Variants in PLEKHM1 observed in about 807,000 individuals in gnomAD.
PLEKHM1 encodes the protein pleckstrin homology and RUN domain containing M1.
Under a neutral mutation model 94.3 loss-of-function variants are expected in PLEKHM1, and 28 were observed. That is an observed-to-expected ratio of 0.30 (90% CI 0.22 to 0.41). PLEKHM1 has a LOEUF of 0.41. PLEKHM1 is among the 10% of genes least tolerant of loss of function. The pLI, the probability that PLEKHM1 is intolerant of heterozygous loss-of-function variation, is 1.00. For synonymous variants in PLEKHM1, 424 were observed against 581.2 expected (o/e 0.73, Z 3.89); for missense variants, 907 against 1,358.6 (o/e 0.67, Z 5.22).
intron 6 of PLEKHM1, 175 bp from the exon 7 acceptor site, chr17:45,454,447 C>G: frequency 1.5e-6 from 1 of 670,488 alleles, no homozygotes; most frequent in Non-Finnish European, 2.7e-6. Flanking sequence ...GGGAACATCC[C>G]CATTCTCACC....
chr17:45,467,140 G>T (rs181631898), intron 5 of PLEKHM1, among the ~76,000 whole-genome samples: 126 of 152,258 alleles, frequency 8.3e-4, no homozygotes, highest in Non-Finnish European at 1.1e-3. Context: ...TACAGATGGG[G>T]TCTCACTTTG....
At chr17:45,483,575 T>C (rs1232252209) in intron 1 of PLEKHM1, among the ~76,000 whole-genome samples, 1 of 152,112 alleles carries the variant, frequency 6.6e-6, no homozygotes, top group African/African-American at 2.4e-5. Context: ...AGCCAACTCC[T>C]GGCTGAGCAT....
chr17:45,483,997 G>GCGTGGGC (rs2052035150), intron 1 of PLEKHM1, among the ~76,000 whole-genome samples: 1 of 152,360 alleles, frequency 6.6e-6, no homozygotes, highest in Admixed American at 6.5e-5. Context: ...ACGAAGTGGG[G>GCGTGGGC]CGTGGGCCAT....
intron 6 of PLEKHM1, among the ~76,000 whole-genome samples, chr17:45,455,083 C>T (rs1324545084): frequency 1.3e-5 from 2 of 152,192 alleles, no homozygotes; most frequent in Admixed American, 6.5e-5. Flanking sequence ...GCTGAGGTCA[C>T]TCCACTGCAC....
At chr17:45,486,890 G>C (rs1403945999) in intron 1 of PLEKHM1, among the ~76,000 whole-genome samples, 2 of 152,236 alleles carry the variant, frequency 1.3e-5, no homozygotes, top group African/African-American at 4.8e-5. Context: ...AGGAGGCTTT[G>C]TGTCTCTTGA....
chr17:45,441,792 C>T (rs1334289120), intron 9 of PLEKHM1, among the ~76,000 whole-genome samples: 2 of 152,212 alleles, frequency 1.3e-5, no homozygotes, highest in African/African-American at 4.8e-5. Context: ...GCCTCAGTTT[C>T]TCCACCCACA....
chr17:45,477,826 C>T (rs1271613132), intron 3 of PLEKHM1, 74 bp downstream of exon 3: 2 of 1,573,806 alleles, frequency 1.3e-6, no homozygotes, highest in Non-Finnish European at 1.7e-6. Flanking sequence ...TCCTGAACAG[C>T]TGGGGAGGAA....
At chr17:45,469,426 C>A (rs888420725) in intron 4 of PLEKHM1, among the ~76,000 whole-genome samples, 1 of 152,198 alleles carries the variant, frequency 6.6e-6, no homozygotes, top group Non-Finnish European at 1.5e-5. Context: ...TGACTAGCAA[C>A]TGCTCCTCCC....
chr17:45,473,434 TA>T (rs1341754588), intron 4 of PLEKHM1, among the ~76,000 whole-genome samples: 1 of 151,538 alleles, frequency 6.6e-6, no homozygotes, highest in East Asian at 1.9e-4. Context: ...CTATAAAAAA[TA>T]AAAATAAAAG....
rs1379593155 is a variant in PLEKHM1 at position 45,445,485 on chromosome 17, T to C, written c.2822A>G (p.Lys941Arg). 2 of 1,613,842 alleles carry C rather than the reference T, an allele frequency of 1.2e-6. No individual in the cohort carries two copies. ...YLGLCRSGAL[K>R]ELSKRLNHRN... ...GGTTGCTCACCTCTTGCTGAGCTCC[T>C]TCAGGGCGCCACTCCGGCACAGGCC... Residue 941 changes from lysine (K) to arginine (R), a missense_variant, in exon 9 of 12, where the codon AAG (lysine) becomes AGG (arginine). By Grantham distance (26) the Lys-to-Arg change is conservative. Around this residue, in one of 3 missense-constraint regions of PLEKHM1, gnomAD observed 254 missense variants for 451.1 expected, o/e 0.56. Transcript: ENST00000430334. The surrounding 1 kb of genome is among the most constrained non-coding windows in gnomAD (Gnocchi z 4.2).
intron 5 of PLEKHM1, chr17:45,463,747 T>C (rs1388880519): frequency 1.3e-5 from 2 of 152,476 alleles, no homozygotes; most frequent in Non-Finnish European, 2.9e-5. Context: ...TCAGGGTCCA[T>C]GTCTGGCCAG....
intron 4 of PLEKHM1, among the ~76,000 whole-genome samples, chr17:45,472,631 C>T (rs1256039315): frequency 6.6e-6 from 1 of 152,154 alleles, no homozygotes; most frequent in African/African-American, 2.4e-5. Flanking sequence ...TGTTCCTCCC[C>T]AATGTATTCT....
At chr17:45,440,090 C>T in intron 10 of PLEKHM1, 73 bp downstream of exon 10, 2 of 1,372,430 alleles carry the variant, frequency 1.5e-6, no homozygotes, top group Non-Finnish European at 2.1e-6. Context: ...CCCCCTCTTC[C>T]ATCTTCCTTG....
At chr17:45,486,230 T>A (rs376782862) in intron 1 of PLEKHM1, among the ~76,000 whole-genome samples, 14,128 of 125,104 alleles carry the variant, frequency 0.11, 1,084 homozygotes, top group Non-Finnish European at 0.16. Flanking sequence ...AAAAAAAAGA[T>A]AAAATAAAAA....
In PLEKHM1 at chr17:45,454,040, G is replaced by T; in HGVS notation, c.1812C>A (p.Ala604=). ...FELVFSGKKL[A]LRASSQDEAE... is the part of the protein sequence containing the mutation. ...CTTCGTCCTGGGAGGAGGCGCGCAG[G>T]GCCAGCTTCTTGCCAGAGAAGACCA... is the stretch of plus-strand genomic sequence containing the variant. The change falls in exon 7 of 12, where the codon GCC becomes GCA. Residue 604 remains alanine (A), a synonymous_variant. Coordinates refer to ENST00000430334, the MANE Select transcript of PLEKHM1 (RefSeq NM_014798.3). 2 of 1,614,118 alleles carry T rather than the reference G, an allele frequency of 1.2e-6. No homozygotes were observed. The highest frequency in any genetic ancestry group is 1.7e-6 in the Non-Finnish European group (2 of 1,179,982).
intron 5 of PLEKHM1, among the ~76,000 whole-genome samples, chr17:45,466,081 AATCTTCAGGATGTACTGAAGC>A (rs2051312242): frequency 2.6e-5 from 4 of 152,210 alleles, no homozygotes; most frequent in Admixed American, 2.6e-4. Flanking sequence ...TCAGGAAGCA[AATCTTCAGGATGTACTGAAGC>A]ATCTTCAGGA....
In PLEKHM1 at chr17:45,436,934, C is replaced by T. The variant is rs1386934967; in HGVS notation, c.*924G>A. ...GTCAGTCAGGCAGAGAGTGTGACCCCGGGCACCCACCAAGGTGGGCCTGGA... is the reference window on the plus strand; with the variant it reads ...GTCAGTCAGGCAGAGAGTGTGACCCTGGGCACCCACCAAGGTGGGCCTGGA... On this transcript the variant is annotated 3_prime_UTR_variant, in exon 12 of 12. Transcript: ENST00000430334. The T allele has an allele frequency of 6.7e-6, 3 of 448,104 alleles. No individual in the cohort carries two copies. Among genetic ancestry groups the T allele is most frequent in the South Asian group, 1.6e-5 (1 of 64,306 alleles). The allele number at this position is 448,104 out of a possible 1,614,324, so 27.8% of individuals were successfully genotyped here.
chr17:45,457,555 C>A, intron 6 of PLEKHM1, among the ~76,000 whole-genome samples: 1 of 148,618 alleles, frequency 6.7e-6, no homozygotes, highest in African/African-American at 2.5e-5. Flanking sequence ...AGGGAAACTC[C>A]ACCTCAAAAA....
Position 45,468,391 on chromosome 17 carries a change from G to C in PLEKHM1, c.1126C>G (p.Pro376Ala). The C allele has an allele frequency of 1.2e-6, 2 of 1,614,210 alleles. No individual in the cohort carries two copies. Among genetic ancestry groups the C allele is most frequent in the Non-Finnish European group, 1.7e-6 (2 of 1,180,042 alleles). ...GTQDGVHVQE[P>A]RPQAPSPLDL... The stretch of plus-strand genomic sequence containing the variant: ...AGGGGGCTGGGCGCCTGGGGACGCG[G>C]CTCCTGCACGTGGACACCATCTTGA... Residue 376 changes from proline (P) to alanine (A), a missense_variant, in exon 5 of 12, where the codon CCG (proline) becomes GCG (alanine). By Grantham distance (27) the Pro-to-Ala change is conservative. Transcript: ENST00000430334.
Sources: allele counts gnomAD v4.1 joint callset (sites outside exome capture counted in the v4.1 genomes callset), GRCh38; gene constraint gnomAD v4.1.1; regional missense constraint gnomAD v4.1.1; non-coding constraint Gnocchi (gnomAD v3.1); transcripts MANE v1.5; gene names NCBI Gene and HGNC (gene_info 2026-07-23, HGNC 2026-07-21).